Variants in NRXN3 observed in about 807,000 individuals in gnomAD.
The protein encoded by NRXN3 is neurexin 3, also known as neurexin III.
In NRXN3, 32 loss-of-function variants were observed where a neutral mutation model predicts 137.6. That is an observed-to-expected ratio of 0.23 (90% CI 0.18 to 0.31). NRXN3 has a LOEUF of 0.31. NRXN3 is among the 10% of genes least tolerant of loss of function. The pLI is 1.00. For synonymous variants in NRXN3, 798 were observed against 784.5 expected (o/e 1.02, Z -0.29); for missense variants, 1,574 against 2,062.5 (o/e 0.76, Z 4.59).
At chr14:78,656,225 C>T (rs531716134) in intron 6 of NRXN3, among the ~76,000 whole-genome samples, 27 of 152,290 alleles carry the variant, frequency 1.8e-4, no homozygotes, top group African/African-American at 3.4e-4. Flanking sequence ...GGCAGACACA[C>T]GCATAAATGC....
intron 4 of NRXN3, among the ~76,000 whole-genome samples, chr14:78,356,227 T>A (rs913030512): frequency 4.6e-5 from 7 of 152,204 alleles, no homozygotes; most frequent in Non-Finnish European, 1.0e-4. Flanking sequence ...ATTACGTAGA[T>A]GTGATTTATC....
chr14:79,858,972 C>T (rs1169773400), intron 20 of NRXN3, among the ~76,000 whole-genome samples: 1 of 88,612 alleles, frequency 1.1e-5, no homozygotes, highest in Non-Finnish European at 2.1e-5. Context: ...TATATGTTCA[C>T]AATGTAAAAA....
intron 15 of NRXN3, among the ~76,000 whole-genome samples, chr14:79,064,823 G>A (rs72687433): frequency 0.033 from 4,937 of 147,924 alleles, 261 homozygotes; most frequent in African/African-American, 0.11. Flanking sequence ...GTGTGTGTGT[G>A]TATATATAAT....
chr14:79,681,255 C>T lies in NRXN3; in HGVS notation c.3617-10918C>T, dbSNP rs10483931. Among the ~76,000 whole-genome samples the T allele has an allele frequency of 0.011, 1,684 of 152,270 alleles. 128 individuals are homozygous for T. The East Asian group carries it at 0.21, about 19-fold the overall frequency. ...TGCTTCCCTCCTCCTGCTGAGCCTT[C>T]ATGGAAATCCTCATAGGAGATAGTG... is the stretch of plus-strand genomic sequence containing the variant. On this transcript the variant is annotated intron_variant, in intron 17 of 20. Coordinates refer to ENST00000335750, the MANE Select transcript of NRXN3 (RefSeq NM_001330195.2).
intron 10 of NRXN3, among the ~76,000 whole-genome samples, chr14:78,826,523 A>G (rs988685250): frequency 6.6e-6 from 1 of 152,202 alleles, no homozygotes; most frequent in African/African-American, 2.4e-5. Context: ...AGTGACTAGA[A>G]AGCATTAAGC....
intron 15 of NRXN3, among the ~76,000 whole-genome samples, chr14:79,295,844 C>T (rs2084004551): frequency 6.6e-6 from 1 of 152,170 alleles, no homozygotes; most frequent in African/African-American, 2.4e-5. Context: ...TTTTCCCTAT[C>T]TCCCACTGCA....
chr14:79,687,149 G>A (rs972088767), intron 17 of NRXN3, among the ~76,000 whole-genome samples: 7 of 152,202 alleles, frequency 4.6e-5, no homozygotes, highest in African/African-American at 1.4e-4. Flanking sequence ...ATGAGATGAT[G>A]CTTATAATTG....
intron 15 of NRXN3, among the ~76,000 whole-genome samples, chr14:79,208,257 G>A (rs2370936): frequency 0.91 from 138,255 of 152,162 alleles, 63,938 homozygotes; most frequent in Non-Finnish European, 0.99. Context: ...TAAATTTGGG[G>A]GTCACTTAAT....
intron 19 of NRXN3, among the ~76,000 whole-genome samples, chr14:79,758,380 T>A (rs2099027022): frequency 6.6e-6 from 1 of 152,098 alleles, no homozygotes; most frequent in Non-Finnish European, 1.5e-5. Flanking sequence ...AGGAGAGCTA[T>A]GTGTAGAGAT....
chr14:78,968,309 T>G lies in NRXN3; in HGVS notation c.3105T>G (p.Ala1035=). The change falls in exon 14 of 21, where the codon GCT becomes GCG. Residue 1035 remains alanine (A), a synonymous_variant. Transcript: ENST00000335750. Reference sequence around the variant, plus strand: ...GCCTGCCAGACCTCATCAATGATGCTCTTCATCGGAGCGGACAGATCGAGC... The same window carrying G: ...GCCTGCCAGACCTCATCAATGATGCGCTTCATCGGAGCGGACAGATCGAGC... ...NGRLPDLIND[A]LHRSGQIERG... The G allele has an allele frequency of 1.2e-6, 2 of 1,614,032 alleles. No homozygotes were observed. The highest frequency in any genetic ancestry group is 1.7e-6 in the Non-Finnish European group (2 of 1,179,954).
At chr14:79,224,396 A>T (rs79512001) in intron 15 of NRXN3, among the ~76,000 whole-genome samples, 4,193 of 152,258 alleles carry the variant, frequency 0.028, 140 homozygotes, top group South Asian at 0.086. Context: ...AAGTCATTTA[A>T]AACTTTAATA....
intron 15 of NRXN3, among the ~76,000 whole-genome samples, chr14:79,088,980 A>C (rs1247472190): frequency 2.6e-5 from 4 of 152,162 alleles, no homozygotes; most frequent in African/African-American, 9.7e-5. Flanking sequence ...TTATGACACC[A>C]ACCCCCAAAG....
chr14:79,149,269 T>C, intron 15 of NRXN3, among the ~76,000 whole-genome samples: 1 of 151,822 alleles, frequency 6.6e-6, no homozygotes, highest in East Asian at 1.9e-4. Context: ...CACTGACCTT[T>C]GACCTGGCAT....
At chr14:78,353,842 T>G (rs181467109) in intron 4 of NRXN3, among the ~76,000 whole-genome samples, 1 of 152,272 alleles carries the variant, frequency 6.6e-6, no homozygotes, top group South Asian at 2.1e-4. Context: ...AGTCCTGAAC[T>G]TCTGGTTCCT....
At chr14:78,416,910 T>C (rs1319813497) in intron 4 of NRXN3, among the ~76,000 whole-genome samples, 1 of 152,212 alleles carries the variant, frequency 6.6e-6, no homozygotes, top group Non-Finnish European at 1.5e-5. Context: ...GCAATTCTAT[T>C]AGGTGAATGA....
chr14:78,309,334 C>T (rs1182061102), intron 4 of NRXN3, among the ~76,000 whole-genome samples: 3 of 151,194 alleles, frequency 2.0e-5, no homozygotes, highest in African/African-American at 7.3e-5. Context: ...GATATATGTG[C>T]AGATTTGTTA....
intron 8 of NRXN3, among the ~76,000 whole-genome samples, chr14:78,764,096 A>G (rs944316706): frequency 6.6e-6 from 1 of 152,202 alleles, no homozygotes; most frequent in Admixed American, 6.5e-5. Context: ...CAGCCAGTAC[A>G]TGGAAACATT....
chr14:78,958,419 G>A (rs943961102), intron 11 of NRXN3, among the ~76,000 whole-genome samples: 5 of 150,418 alleles, frequency 3.3e-5, no homozygotes, highest in Middle Eastern at 6.8e-3. Flanking sequence ...GCAGTGGCGC[G>A]ATCTTGGCTC....
intron 15 of NRXN3, among the ~76,000 whole-genome samples, chr14:79,023,269 C>T (rs762967419): frequency 3.9e-5 from 6 of 151,980 alleles, no homozygotes; most frequent in Non-Finnish European, 8.8e-5. Flanking sequence ...TTAGAACTTG[C>T]TGTATGCCCA....
Sources: gnomAD v4.1 joint callset for allele counts (sites outside exome capture counted in the v4.1 genomes callset) on GRCh38, gnomAD v4.1.1 for gene constraint, MANE v1.5 for transcripts, NCBI Gene and HGNC (gene_info 2026-07-23, HGNC 2026-07-21) for gene names.